The following WIPI2 variants were observed in gnomAD, a reference collection of about 807,000 sequenced individuals.
WIPI2 encodes the protein WD repeat domain phosphoinositide-interacting protein 2.
In WIPI2, 28 loss-of-function variants were observed where a neutral mutation model predicts 52.3. The observed-to-expected ratio is 0.54, with a 90% CI of 0.40 to 0.73. The LOEUF (loss-of-function observed/expected upper bound fraction) is 0.73. Ranked by LOEUF, WIPI2 falls within the 30% of genes least tolerant of loss-of-function variation. WIPI2 has a pLI of 0.00. For synonymous variants in WIPI2, 268 were observed against 245.0 expected, an observed-to-expected ratio of 1.09 and a Z score of -0.88; for missense variants, 506 against 602.9, an observed-to-expected ratio of 0.84 and a Z score of 1.68.
Position 5,232,360 on chromosome 7 carries a change from T to C in WIPI2, c.*1413T>C, listed in dbSNP as rs939723980. The C allele has an allele frequency of 2.5e-6, 1 of 398,534 alleles. No homozygotes were observed. The highest frequency in any genetic ancestry group is 1.3e-4 in the South Asian group (1 of 7,834). 24.7% of individuals were successfully genotyped at this position (398,534 alleles called of 1,614,324 possible). On this transcript the variant is annotated 3_prime_UTR_variant, in exon 13 of 13. Coordinates refer to ENST00000288828, the MANE Select transcript of WIPI2 (RefSeq NM_015610.4). The stretch of plus-strand genomic sequence containing the variant: ...CTGCGGTGAAATGCCCCAGTGTTCC[T>C]GGGTTGGCTTTACGGCAAACTAAAT...
chr7:5,222,532 C>G, intron 7 of WIPI2, 70 bp from the exon 8 acceptor site: 3 of 1,493,440 alleles, frequency 2.0e-6, no homozygotes, highest in Non-Finnish European at 2.8e-6. Flanking sequence ...CATTTGCAGT[C>G]TGCTGTGAAA....
At chr7:5,219,015 G>A (rs1782959068) in intron 7 of WIPI2, 1 of 152,086 alleles carries the variant, frequency 6.6e-6, no homozygotes, top group Non-Finnish European at 1.5e-5. Flanking sequence ...ACAATAAAAC[G>A]TCGGCTCACT....
intron 3 of WIPI2, among the ~76,000 whole-genome samples, chr7:5,205,623 G>A (rs557303610): frequency 6.6e-6 from 1 of 152,234 alleles, no homozygotes; most frequent in East Asian, 1.9e-4. Flanking sequence ...TCCTGCCTTA[G>A]CCTCCTTAGT....
At chr7:5,226,822 A>G (rs548398431) in intron 9 of WIPI2, 10 of 120,532 alleles carry the variant, frequency 8.3e-5, no homozygotes, top group South Asian at 2.9e-4. Context: ...TTTGGGGTCT[A>G]TACTCAAGGT....
chr7:5,214,270 C>G (rs902157760), intron 3 of WIPI2: 170 of 1,433,786 alleles, frequency 1.2e-4, no homozygotes, highest in Non-Finnish European at 1.4e-4. Flanking sequence ...AATCCAGCAA[C>G]AGAACTGACT....
rs1783727144 is a variant in WIPI2, at chr7:5,231,615, T to C, written c.*668T>C. 1 of 152,404 alleles carries C rather than the reference T, an allele frequency of 6.6e-6. No individual in the cohort carries two copies. Among genetic ancestry groups the C allele is most frequent in the East Asian group, 1.9e-4 (1 of 5,206 alleles). 9.4% of individuals were successfully genotyped at this position (152,404 alleles called of 1,614,324 possible). On this transcript the variant is annotated 3_prime_UTR_variant, in exon 13 of 13. Coordinates refer to ENST00000288828, the MANE Select transcript of WIPI2 (RefSeq NM_015610.4). ...AGGACAGCGAGGTTCTTTCTGATAC[T>C]AAAAACCTTTCTTTCAGGCAGCAAA...
In WIPI2 at chr7:5,213,612, A is replaced by G. The variant is rs185464212; in HGVS notation, c.212-923A>G. 9.8e-5 allele frequency among the ~76,000 whole-genome samples: 15 copies of G among 152,350 alleles called. No individual in the cohort carries two copies. In the East Asian group the frequency reaches 2.5e-3, roughly 25 times the overall value. ...TACAGCCTAGGGGCATAGTAGGCCT[A>G]CCATCTAGATTTGTGTTTGCACGAC... On this transcript the variant is annotated intron_variant, in intron 3 of 12. Coordinates refer to ENST00000288828, the MANE Select transcript of WIPI2 (RefSeq NM_015610.4).
chr7:5,191,174 T>C (rs1010324487), intron 1 of WIPI2, among the ~76,000 whole-genome samples: 2 of 152,018 alleles, frequency 1.3e-5, no homozygotes, highest in Admixed American at 6.6e-5. Flanking sequence ...CACGCGCCAC[T>C]GTGCCCAGCT....
rs1466802541 is a variant in WIPI2 at position 5,231,598 on chromosome 7, G to A, written c.*651G>A. On this transcript the variant is annotated 3_prime_UTR_variant, in exon 13 of 13. Transcript: ENST00000288828. Reference sequence around the variant, plus strand: ...TTCCCTGTGGATATTGGAGGACAGCGAGGTTCTTTCTGATACTAAAAACCT... The same window carrying A: ...TTCCCTGTGGATATTGGAGGACAGCAAGGTTCTTTCTGATACTAAAAACCT... 2 of 152,284 alleles carry A rather than the reference G, an allele frequency of 1.3e-5. No homozygotes were observed. The highest frequency in any genetic ancestry group is 6.5e-5 in the Admixed American group (1 of 15,276). 9.4% of individuals were successfully genotyped at this position (152,284 alleles called of 1,614,324 possible).
At chr7:5,211,167 A>G (rs1467367198) in intron 3 of WIPI2, among the ~76,000 whole-genome samples, 1 of 152,192 alleles carries the variant, frequency 6.6e-6, no homozygotes, top group Non-Finnish European at 1.5e-5. Context: ...CATGTGCATC[A>G]TGTGACTCAA....
intron 2 of WIPI2, among the ~76,000 whole-genome samples, chr7:5,198,516 G>C (rs964013933): frequency 2.0e-5 from 3 of 152,146 alleles, no homozygotes; most frequent in African/African-American, 7.2e-5. Flanking sequence ...TTTTCGCCAT[G>C]TTGGCCAGGC....
chr7:5,220,845 G>C (rs1021650600), intron 7 of WIPI2, among the ~76,000 whole-genome samples: 1 of 151,914 alleles, frequency 6.6e-6, no homozygotes, highest in Non-Finnish European at 1.5e-5. Context: ...CCAAGCTGGA[G>C]TGCAATGGCG....
rs999505027 is a variant in WIPI2 at position 5,231,232 on chromosome 7, G to A, written c.*285G>A. The stretch of plus-strand genomic sequence containing the variant: ...TTGGTGAAGCCCGCAAAACCTCCTC[G>A]CTTTGCATGCATGAACGTGCCAAGC... On this transcript the variant is annotated 3_prime_UTR_variant, in exon 13 of 13. Coordinates refer to ENST00000288828, the MANE Select transcript of WIPI2 (RefSeq NM_015610.4). The A allele has an allele frequency of 2.2e-5, 7 of 322,422 alleles. No individual in the cohort carries two copies. Among genetic ancestry groups the A allele is most frequent in the South Asian group, 1.4e-4 (2 of 14,788 alleles). The allele number at this position is 322,422 out of a possible 1,614,324, so 20.0% of individuals were successfully genotyped here. A position where few individuals can be genotyped will look rare whatever the true frequency, so the allele number is the denominator to read the frequency against.
intron 3 of WIPI2, among the ~76,000 whole-genome samples, chr7:5,200,575 C>T (rs561479027): frequency 1.0e-4 from 15 of 150,088 alleles, no homozygotes; most frequent in South Asian, 2.1e-4. Context: ...TTTTTTGAGA[C>T]GGAGTTTTGC....
rs778573910 is a variant in WIPI2, at chr7:5,199,616, T to A, written c.169T>A (p.Ser57Thr). ...VGSKSGYKFF[S>T]LSSVDKLEQI... ...TAGTAAGTCCGGTTATAAATTTTTC[T>A]CCCTTTCTTCTGTGGATAAGCTGGA... Residue 57 changes from serine to threonine, a missense_variant, in exon 3 of 13, where the codon TCC (serine) becomes ACC (threonine). By Grantham distance (58) the Ser-to-Thr change is moderately conservative (BLOSUM62 1). This residue lies in a region of WIPI2 where 60 missense variants were observed against 49.7 expected (regional missense o/e 1.21). Coordinates refer to ENST00000288828, the MANE Select transcript of WIPI2 (RefSeq NM_015610.4). The A allele has an allele frequency of 6.2e-7, 1 of 1,613,398 alleles. No homozygotes were observed. The highest frequency in any genetic ancestry group is 8.5e-7 in the Non-Finnish European group (1 of 1,179,910).
chr7:5,230,760 C>T lies in WIPI2; in HGVS notation c.1253-75C>T. The stretch of plus-strand genomic sequence containing the variant: ...AATATACACCAGTGTTTCCAAAACA[C>T]AGTCCTCAGTGTGTGTCATGGGGTC... On this transcript the variant is annotated intron_variant, in intron 12 of 12. Coordinates refer to ENST00000288828, the MANE Select transcript of WIPI2 (RefSeq NM_015610.4). The surrounding 1 kb of genome is among the most constrained non-coding windows in gnomAD (Gnocchi z 4.8). 1 of 1,096,218 alleles carries T rather than the reference C, an allele frequency of 9.1e-7. No homozygotes were observed. The highest frequency in any genetic ancestry group is 1.3e-6 in the Non-Finnish European group (1 of 766,160). The allele number at this position is 1,096,218 out of a possible 1,614,324, so 67.9% of individuals were successfully genotyped here.
intron 3 of WIPI2, among the ~76,000 whole-genome samples, chr7:5,207,457 T>A (rs1051746168): frequency 6.6e-6 from 1 of 152,246 alleles, no homozygotes; most frequent in Non-Finnish European, 1.5e-5. Context: ...GCATTTTTTT[T>A]AGATTTATCC....
intron 3 of WIPI2, among the ~76,000 whole-genome samples, chr7:5,210,588 G>A (rs138256795): frequency 1.3e-5 from 2 of 152,330 alleles, no homozygotes; most frequent in Non-Finnish European, 2.9e-5. Context: ...TACTTGGGAT[G>A]GTCTCTACTG....
chr7:5,200,090 C>A (rs979128410), intron 3 of WIPI2, among the ~76,000 whole-genome samples: 2 of 152,208 alleles, frequency 1.3e-5, no homozygotes, highest in African/African-American at 4.8e-5. Flanking sequence ...CGGAGAGGCG[C>A]ATGGAACAGC....
Sources: allele counts gnomAD v4.1 joint callset (sites outside exome capture counted in the v4.1 genomes callset), GRCh38; gene constraint gnomAD v4.1.1; regional missense constraint gnomAD v4.1.1; non-coding constraint Gnocchi (gnomAD v3.1); transcripts MANE v1.5; gene names NCBI Gene and HGNC (gene_info 2026-07-23, HGNC 2026-07-21).